Variants in RAB3C observed in about 807,000 individuals in gnomAD.
RAB3C encodes RAB3C, member RAS oncogene family.
A neutral mutation model predicts 26.4 loss-of-function variants in RAB3C; 17 were observed. The observed-to-expected ratio is 0.64, with a 90% CI of 0.44 to 0.97. RAB3C has a LOEUF of 0.97. RAB3C is among the 50% of genes least tolerant of loss of function. The pLI, the probability that RAB3C is intolerant of heterozygous loss-of-function variation, is 0.00. For missense variants in RAB3C, 242 were observed against 281.9 expected (o/e 0.86, Z 1.01); for synonymous variants, 91 against 95.9 (o/e 0.95, Z 0.30).
intron 2 of RAB3C, among the ~76,000 whole-genome samples, chr5:58,714,881 T>C (rs1749136396): frequency 6.6e-6 from 1 of 151,890 alleles, no homozygotes; most frequent in Non-Finnish European, 1.5e-5. Flanking sequence ...TAGAACAAGA[T>C]AGTAAATATA....
At chr5:58,604,061 C>T (rs1165380672) in intron 1 of RAB3C, among the ~76,000 whole-genome samples, 1 of 152,190 alleles carries the variant, frequency 6.6e-6, no homozygotes, top group African/African-American at 2.4e-5. Context: ...AGCCAAACTG[C>T]AGTGATTGTT....
intron 2 of RAB3C, among the ~76,000 whole-genome samples, chr5:58,660,315 A>T (rs1046863695): frequency 6.7e-6 from 1 of 150,088 alleles, no homozygotes; most frequent in Non-Finnish European, 1.5e-5. Context: ...AAAGTAAAAG[A>T]TGAAATAGTC....
At chr5:58,623,122 T>C (rs545361912) in intron 2 of RAB3C, among the ~76,000 whole-genome samples, 63 of 152,336 alleles carry the variant, frequency 4.1e-4, no homozygotes, top group South Asian at 3.3e-3. Flanking sequence ...ATTATCTGTT[T>C]TGTGTTTAAA....
chr5:58,806,333 T>C (rs1438292950), intron 3 of RAB3C, among the ~76,000 whole-genome samples: 2 of 152,178 alleles, frequency 1.3e-5, no homozygotes, highest in Non-Finnish European at 2.9e-5. Context: ...GCTGAATAAA[T>C]GGTAGCTATT....
chr5:58,597,741 A>G (rs369796605), intron 1 of RAB3C, among the ~76,000 whole-genome samples: 21 of 123,290 alleles, frequency 1.7e-4, no homozygotes, highest in African/African-American at 6.3e-4. Flanking sequence ...TATATAACAT[A>G]TAATACATTA....
intron 4 of RAB3C, among the ~76,000 whole-genome samples, chr5:58,839,908 G>A (rs777864039): frequency 6.6e-5 from 10 of 151,024 alleles, no homozygotes; most frequent in Non-Finnish European, 1.2e-4. Flanking sequence ...TTGTGGTTGG[G>A]AGGTTTTTTT....
chr5:58,845,728 C>T (rs963779517), intron 4 of RAB3C, among the ~76,000 whole-genome samples: 6 of 150,532 alleles, frequency 4.0e-5, no homozygotes, highest in Middle Eastern at 3.2e-3. Context: ...CCATAAAATT[C>T]ACCCATTTGA....
intron 2 of RAB3C, among the ~76,000 whole-genome samples, chr5:58,654,776 A>G (rs1297879114): frequency 2.6e-5 from 4 of 152,098 alleles, no homozygotes; most frequent in African/African-American, 7.2e-5. Context: ...ATGCTTAAAC[A>G]TGTTTGATAG....
chr5:58,636,716 T>C (rs1747296678), intron 2 of RAB3C, among the ~76,000 whole-genome samples: 1 of 152,154 alleles, frequency 6.6e-6, no homozygotes, highest in Non-Finnish European at 1.5e-5. Context: ...CAGAAAGTGG[T>C]GAATCATAAG....
At chr5:58,687,552 T>G (rs1358665153) in intron 2 of RAB3C, among the ~76,000 whole-genome samples, 1 of 152,160 alleles carries the variant, frequency 6.6e-6, no homozygotes, top group African/African-American at 2.4e-5. Flanking sequence ...ATTTTTTTGC[T>G]TGTGCTTAGG....
At position 58,778,365 on chromosome 5, in the gene RAB3C, C is replaced by T. The variant is rs573208319; in HGVS notation, c.372-46673C>T. Among the ~76,000 whole-genome samples the T allele has an allele frequency of 8.8e-3, 1,342 of 152,194 alleles. 23 individuals carry two copies. Among genetic ancestry groups the T allele is most frequent in the African/African-American group, 0.031 (1,278 of 41,528 alleles). ...TTTACAAATTGTCAATCTTAAAATC[C>T]TTTAGAGCCTCCTAAAAGAGAGGAA... On this transcript the variant is annotated intron_variant, in intron 3 of 4. Transcript: ENST00000282878.
At chr5:58,692,411 AATG>A (rs1314732415) in intron 2 of RAB3C, among the ~76,000 whole-genome samples, 1 of 152,180 alleles carries the variant, frequency 6.6e-6, no homozygotes, top group Non-Finnish European at 1.5e-5. Context: ...AAGGATAGGT[AATG>A]ATATCTTTTG....
intron 4 of RAB3C, among the ~76,000 whole-genome samples, chr5:58,844,814 AT>A (rs565997330): frequency 9.8e-5 from 15 of 152,332 alleles, no homozygotes; most frequent in East Asian, 3.9e-4. Flanking sequence ...AGAAAAAAAA[AT>A]ATCACTTGTG....
At chr5:58,674,301 A>G (rs1310578943) in intron 2 of RAB3C, among the ~76,000 whole-genome samples, 1 of 152,240 alleles carries the variant, frequency 6.6e-6, no homozygotes, top group Non-Finnish European at 1.5e-5. Context: ...CTCACTCTTC[A>G]GGAACTAGAT....
chr5:58,777,714 T>C (rs1397360532), intron 3 of RAB3C, among the ~76,000 whole-genome samples: 11 of 151,918 alleles, frequency 7.2e-5, no homozygotes. Context: ...TTATTTACAT[T>C]AGGTATATCT....
intron 2 of RAB3C, among the ~76,000 whole-genome samples, chr5:58,632,909 T>A (rs974949840): frequency 6.6e-6 from 1 of 152,218 alleles, no homozygotes. Context: ...CTATTGAAGT[T>A]TAGAAGCATT....
intron 2 of RAB3C, among the ~76,000 whole-genome samples, chr5:58,684,154 C>CATTACAAT (rs1391029835): frequency 2.0e-5 from 3 of 151,956 alleles, no homozygotes; most frequent in Admixed American, 6.6e-5. Flanking sequence ...TAAACAATAC[C>CATTACAAT]GTATAACAAC....
chr5:58,777,169 A>C (rs1007247192), intron 3 of RAB3C, among the ~76,000 whole-genome samples: 5 of 152,050 alleles, frequency 3.3e-5, no homozygotes, highest in African/African-American at 9.7e-5. Flanking sequence ...TCTCACTGGC[A>C]CTTTTGACAC....
At chr5:58,826,769 A>G (rs1460178269) in intron 4 of RAB3C, among the ~76,000 whole-genome samples, 1 of 152,146 alleles carries the variant, frequency 6.6e-6, no homozygotes, top group Non-Finnish European at 1.5e-5. Flanking sequence ...ATGTGTCTCA[A>G]TCTATAATTT....
Sources: gnomAD v4.1 joint callset for allele counts (sites outside exome capture counted in the v4.1 genomes callset) on GRCh38, gnomAD v4.1.1 for gene constraint, MANE v1.5 for transcripts, NCBI Gene and HGNC (gene_info 2026-07-23, HGNC 2026-07-21) for gene names.